OTOF: variants seen among roughly 807,000 people sequenced by gnomAD.
OTOF encodes the protein fer-1-like family member 2.
OTOF carries 218 observed loss-of-function variants against 236.8 expected under a neutral mutation model. That is an observed-to-expected ratio of 0.92 (90% CI 0.82 to 1.03). OTOF has a LOEUF of 1.03. OTOF is among the 50% of genes least tolerant of loss of function. OTOF has a pLI of 0.00. For synonymous variants in OTOF, 1,041 were observed against 1,072.5 expected (o/e 0.97, Z 0.57); for missense variants, 2,590 against 2,694.4 (o/e 0.96, Z 0.86).
intron 6 of OTOF, among the ~76,000 whole-genome samples, chr2:26,502,963 C>T (rs1271295025): frequency 6.6e-6 from 1 of 152,240 alleles, no homozygotes; most frequent in Non-Finnish European, 1.5e-5. Flanking sequence ...TAATGAGATG[C>T]AGACATGTGG....
chr2:26,524,445 G>A (rs899203933), intron 3 of OTOF, among the ~76,000 whole-genome samples: 4 of 152,204 alleles, frequency 2.6e-5, no homozygotes, highest in Admixed American at 6.5e-5. Flanking sequence ...GGAGGCAGAG[G>A]TTGCAATGAG....
chr2:26,486,080 C>T (rs904082839), intron 11 of OTOF, among the ~76,000 whole-genome samples: 11 of 151,730 alleles, frequency 7.2e-5, no homozygotes, highest in African/African-American at 2.2e-4. Context: ...GAGAGATAGA[C>T]GGACAGATGG....
intron 8 of OTOF, among the ~76,000 whole-genome samples, chr2:26,499,216 C>A (rs1290065009): frequency 1.3e-5 from 2 of 152,020 alleles, no homozygotes; most frequent in Non-Finnish European, 2.9e-5. Flanking sequence ...TGGTTTCTTG[C>A]CTTGGAGATG....
intron 1 of OTOF, among the ~76,000 whole-genome samples, chr2:26,541,226 C>T (rs903102610): frequency 2.0e-5 from 3 of 152,130 alleles, no homozygotes; most frequent in Non-Finnish European, 2.9e-5. Flanking sequence ...CAGGAAACAC[C>T]GAGGATCAAA....
At chr2:26,463,462 G>A (rs528619499) in intron 41 of OTOF, 21 bp downstream of exon 41, 13 of 1,567,002 alleles carry the variant, frequency 8.3e-6, no homozygotes, top group East Asian at 4.6e-5. Flanking sequence ...AGGGAGTAGC[G>A]CTGGGCCCCA....
At position 26,476,309 on chromosome 2, in the gene OTOF, C is replaced by T. The variant is rs1289742459; in HGVS notation, c.2685G>A (p.Gly895=). The change falls in exon 23 of 47, where the codon GGG becomes GGA. Residue 895 remains glycine (G), a synonymous_variant. Transcript: ENST00000272371. ...AGCCTGCCGAGCCGAAGCCCCGCTT[C>T]CCTGGCAGCTGGGGGTGGGCATGGG... ...KVKTLFLKLP[G]KRGFGSAGWT... is the part of the protein sequence containing the mutation. 6.2e-6 allele frequency: 10 copies of T among 1,603,478 alleles called. No homozygotes were observed. In the Middle Eastern group the frequency reaches 7.6e-4, roughly 122 times the overall value.
At chr2:26,504,128 G>T (rs1381192442) in intron 5 of OTOF, among the ~76,000 whole-genome samples, 1 of 152,108 alleles carries the variant, frequency 6.6e-6, no homozygotes, top group Non-Finnish European at 1.5e-5. Flanking sequence ...GTCTTGAGCC[G>T]GAAAGAGCCG....
At chr2:26,534,293 C>T (rs969329953) in intron 2 of OTOF, among the ~76,000 whole-genome samples, 2 of 152,202 alleles carry the variant, frequency 1.3e-5, no homozygotes, top group South Asian at 2.1e-4. Context: ...GGGCCTGCTC[C>T]ACACAGGGCC....
intron 32 of OTOF, among the ~76,000 whole-genome samples, chr2:26,468,913 G>T (rs1393310882): frequency 6.6e-6 from 1 of 152,170 alleles, no homozygotes; most frequent in African/African-American, 2.4e-5. Context: ...GGTGCTGGGG[G>T]AGAGGGGAGG....
chr2:26,478,104 C>G (rs760183170), intron 18 of OTOF: 11 of 1,277,216 alleles, frequency 8.6e-6, no homozygotes, highest in Non-Finnish European at 1.1e-5. Context: ...TGCCAAGATC[C>G]TGACGTCACT....
intron 8 of OTOF, among the ~76,000 whole-genome samples, chr2:26,496,063 C>A (rs921795482): frequency 1.3e-5 from 2 of 152,124 alleles, no homozygotes; most frequent in Non-Finnish European, 2.9e-5. Flanking sequence ...GTTGTGTGCA[C>A]TCTGCTGTGT....
intron 3 of OTOF, among the ~76,000 whole-genome samples, chr2:26,521,097 C>A (rs1300237039): frequency 4.6e-5 from 7 of 152,214 alleles, no homozygotes; most frequent in African/African-American, 1.7e-4. Flanking sequence ...CTGGCCCCGA[C>A]CCCAGGGCTC....
chr2:26,482,350 C>A, intron 14 of OTOF, 56 bp downstream of exon 14: 1 of 1,524,326 alleles, frequency 6.6e-7, no homozygotes, highest in East Asian at 2.3e-5. Flanking sequence ...TCACATATTC[C>A]TTCCCTTCAG....
At chr2:26,494,240 G>A (rs1665919845) in intron 9 of OTOF, among the ~76,000 whole-genome samples, 1 of 152,248 alleles carries the variant, frequency 6.6e-6, no homozygotes, top group Admixed American at 6.5e-5. Context: ...GGTCTCTGAG[G>A]TCCCTCACCC....
At chr2:26,528,417 A>G (rs1351845373) in intron 2 of OTOF, among the ~76,000 whole-genome samples, 11 of 151,816 alleles carry the variant, frequency 7.2e-5, no homozygotes, top group African/African-American at 2.4e-4. Context: ...TCTGCCCCAG[A>G]CTCCTGTGTT....
Position 26,474,069 on chromosome 2 carries a change from G to A in OTOF, c.3330C>T (p.Gly1110=). Residue 1110 remains glycine (G), a synonymous_variant, in exon 27 of 47, where the codon GGC becomes GGT. Coordinates refer to ENST00000272371, the MANE Select transcript of OTOF (RefSeq NM_194248.3). ...TGGGACCTCGGTCCACGTCCACCGG[G>A]CCATTGATGGGGGGCAGGTCAGCCT... The part of the protein sequence containing the change: ...AGKADLPPIN[G]PVDVDRGPIM... 1 of 1,613,032 alleles carries A rather than the reference G, an allele frequency of 6.2e-7. No homozygotes were observed. The highest frequency in any genetic ancestry group is 8.5e-7 in the Non-Finnish European group (1 of 1,179,878).
At chr2:26,503,093 G>C (rs775259465) in intron 6 of OTOF, among the ~76,000 whole-genome samples, 2 of 152,192 alleles carry the variant, frequency 1.3e-5, no homozygotes, top group Admixed American at 6.5e-5. Context: ...GTGGGGGAGA[G>C]AGCCTGAGGG....
chr2:26,498,959 C>A (rs1666053762), intron 8 of OTOF, among the ~76,000 whole-genome samples: 3 of 152,092 alleles, frequency 2.0e-5, no homozygotes, highest in Non-Finnish European at 2.9e-5. Flanking sequence ...AATATGAGGG[C>A]AGGGAGACCA....
At chr2:26,527,751 C>G in intron 3 of OTOF, 81 bp downstream of exon 3, 4 of 1,048,912 alleles carry the variant, frequency 3.8e-6, no homozygotes, top group Non-Finnish European at 6.0e-6. Flanking sequence ...TTTTTAAGCC[C>G]CAAACAGAGG....
Sources: allele counts gnomAD v4.1 joint callset (sites outside exome capture counted in the v4.1 genomes callset), GRCh38; gene constraint gnomAD v4.1.1; transcripts MANE v1.5; gene names NCBI Gene and HGNC (gene_info 2026-07-23, HGNC 2026-07-21).